Variants in TMEM91 observed in about 807,000 individuals in gnomAD.
The protein encoded by TMEM91 is dispanin subfamily C member 3.
TMEM91 carries 6 observed loss-of-function variants against 13.3 expected under a neutral mutation model. That is an observed-to-expected ratio of 0.45 (90% confidence interval 0.25 to 0.89). The LOEUF (loss-of-function observed/expected upper bound fraction) is 0.89. Among genes scored for constraint, TMEM91 ranks in the 40% least tolerant of loss-of-function variants. TMEM91 has a pLI of 0.19. For synonymous variants in TMEM91, 87 were observed against 101.7 expected, an observed-to-expected ratio of 0.86 and a Z score of 0.87; for missense variants, 193 against 228.7, an observed-to-expected ratio of 0.84 and a Z score of 1.01.
upstream of TMEM91, among the ~76,000 whole-genome samples, chr19:41,372,645 A>G (rs2038642833): frequency 1.3e-5 from 2 of 152,106 alleles, no homozygotes; most frequent in Admixed American, 6.6e-5. Context: ...TAAGTTATGC[A>G]TTTTGGCAGG....
In TMEM91 at chr19:41,383,794, CCGT is replaced by C. The variant is rs758663714; in HGVS notation, c.443_445del (p.Val148del). The stretch of plus-strand genomic sequence containing the variant: ...CGTGCCTTCCTGCTGGGGGTCCTCG[CCGT>C]CGGGCTGGGCGTGTGCACGTATGCG... On this transcript the variant is annotated inframe_deletion, in exon 4 of 4. Coordinates refer to ENST00000392002, the MANE Select transcript of TMEM91 (RefSeq NM_001098821.2). 41 of 1,611,180 alleles carry C rather than the reference CCGT, an allele frequency of 2.5e-5. No homozygotes were observed. The highest frequency in any genetic ancestry group is 3.4e-5 in the Non-Finnish European group (40 of 1,178,500).
intron 3 of TMEM91, 115 bp from the exon 4 acceptor site, chr19:41,383,600 G>A (rs2038945643): frequency 6.2e-7 from 1 of 1,613,822 alleles, no homozygotes; most frequent in Admixed American, 1.7e-5. Context: ...CTACGTATCT[G>A]CTTTTGGAAT....
chr19:41,365,707 G>GTTTT (rs3061204), intron 1 of TMEM91, among the ~76,000 whole-genome samples: 4 of 69,666 alleles, frequency 5.7e-5, no homozygotes, highest in African/African-American at 1.3e-4. Context: ...GACCGGCCGG[G>GTTTT]TTTTTTTTTT....
rs2038948956 is a variant in TMEM91, at chr19:41,383,729, G to C, written c.375G>C (p.Trp125Cys). ...TGCCTCTACAGACCAACAAGGCTTG[G>C]GCCAAGGGGGACATCCAGGGGGCAG... is the stretch of plus-strand genomic sequence containing the variant. ...FCLAQKTNKAWAKGDIQGAGA... is the reference protein window; with the variant it reads ...FCLAQKTNKACAKGDIQGAGA... The change falls in exon 4 of 4, where the codon TGG (tryptophan) becomes TGC (cysteine). Residue 125 changes from tryptophan (W) to cysteine (C), a missense_variant. Transcript: ENST00000392002. 6.2e-7 allele frequency: 1 copy of C among 1,609,166 alleles called. No individual in the cohort carries two copies. The highest frequency in any genetic ancestry group is 1.7e-5 in the Admixed American group (1 of 59,536).
chr19:41,378,573 C>A (rs1229961925), intron 2 of TMEM91, 54 bp downstream of exon 2: 3 of 1,585,686 alleles, frequency 1.9e-6, no homozygotes, highest in African/African-American at 1.3e-5. Flanking sequence ...GGGTGAGCCC[C>A]ACTAAGGCCA....
chr19:41,383,504 T>A (rs1394613740), intron 3 of TMEM91: 98 of 1,441,694 alleles, frequency 6.8e-5, no homozygotes, highest in Non-Finnish European at 7.9e-5. Flanking sequence ...ATTTATTTTT[T>A]AAAATTTATT....
chr19:41,383,594 G>GT, intron 3 of TMEM91, 121 bp from the exon 4 acceptor site: 1 of 1,613,642 alleles, frequency 6.2e-7, no homozygotes, highest in Non-Finnish European at 8.5e-7. Context: ...TAGGTGCTAC[G>GT]TATCTGCTTT....
At chr19:41,370,492 C>T (rs2038598170) in intron 1 of TMEM91, among the ~76,000 whole-genome samples, 2 of 151,916 alleles carry the variant, frequency 1.3e-5, no homozygotes, top group East Asian at 1.9e-4. Context: ...CTGCAACCTC[C>T]GCCTTCCGGG....
At chr19:41,373,945 T>G (rs1376636535), upstream of TMEM91, 1 of 152,258 alleles carries the variant, frequency 6.6e-6, no homozygotes, top group Admixed American at 6.6e-5. Flanking sequence ...CCCAAAGGGC[T>G]GGGATTACAG....
At chr19:41,380,819 C>T (rs2038861367) in intron 2 of TMEM91, among the ~76,000 whole-genome samples, 1 of 149,674 alleles carries the variant, frequency 6.7e-6, no homozygotes, top group Non-Finnish European at 1.5e-5. Flanking sequence ...GAGGCTGAGG[C>T]AGGAGAATCA....
intron 1 of TMEM91, among the ~76,000 whole-genome samples, chr19:41,369,830 T>C (rs1307555495): frequency 6.6e-6 from 1 of 151,950 alleles, no homozygotes; most frequent in Non-Finnish European, 1.5e-5. Context: ...TAAAAATAAA[T>C]AAATAAGCCT....
intron 2 of TMEM91, 97 bp downstream of exon 2, chr19:41,378,616 C>A: frequency 7.7e-7 from 1 of 1,295,622 alleles, no homozygotes. Flanking sequence ...TGCCGATCTG[C>A]CTTAGGCCTG....
At chr19:41,381,789 G>A (rs1418869130) in intron 2 of TMEM91, among the ~76,000 whole-genome samples, 1 of 151,994 alleles carries the variant, frequency 6.6e-6, no homozygotes, top group Non-Finnish European at 1.5e-5. Flanking sequence ...TGGGATGACA[G>A]GTGTGAGCCA....
At chr19:41,379,549 G>A (rs1456924407) in intron 2 of TMEM91, among the ~76,000 whole-genome samples, 2 of 148,954 alleles carry the variant, frequency 1.3e-5, no homozygotes, top group African/African-American at 5.0e-5. Context: ...AGGGAGAGGG[G>A]GGAGAGAGAG....
In TMEM91 at chr19:41,378,264, C is replaced by T. The variant is rs1378641018; in HGVS notation, c.-29-17C>T. On this transcript the variant is annotated splice_polypyrimidine_tract_variant and intron_variant, in intron 1 of 3. Transcript: ENST00000392002. ...TGAGACTTTTACAACTTGTCTTTTT[C>T]TTCCCCCTACCCCTAGGAAACCCCT... 1.3e-6 allele frequency: 2 copies of T among 1,572,702 alleles called. No homozygotes were observed. The highest frequency in any genetic ancestry group is 1.7e-4 in the Middle Eastern group (1 of 5,862).
intron 1 of TMEM91, among the ~76,000 whole-genome samples, chr19:41,371,102 A>G (rs774696974): frequency 6.6e-6 from 1 of 151,790 alleles, no homozygotes; most frequent in Non-Finnish European, 1.5e-5. Flanking sequence ...CCCAGGTTCA[A>G]GCAATTATTG....
chr19:41,378,220 G>A (rs2038773317), intron 1 of TMEM91, 61 bp from the exon 2 acceptor site: 2 of 1,301,690 alleles, frequency 1.5e-6, no homozygotes, highest in Non-Finnish European at 2.2e-6. Flanking sequence ...TAAAGCAAGG[G>A]GTCAGAGGTT....
upstream of TMEM91, among the ~76,000 whole-genome samples, chr19:41,375,859 C>T (rs999001064): frequency 2.6e-5 from 4 of 151,754 alleles, no homozygotes; most frequent in Admixed American, 2.6e-4. Flanking sequence ...CGGTGGCTCA[C>T]GCCTGTAATC....
upstream of TMEM91, among the ~76,000 whole-genome samples, chr19:41,371,583 C>T (rs796496719): frequency 4.0e-5 from 6 of 151,780 alleles, no homozygotes; most frequent in African/African-American, 1.4e-4. Flanking sequence ...CCAAGTCCAG[C>T]TAGTTTTTGT....
Sources: allele counts gnomAD v4.1 joint callset (sites outside exome capture counted in the v4.1 genomes callset), GRCh38; gene constraint gnomAD v4.1.1; transcripts MANE v1.5; gene names NCBI Gene and HGNC (gene_info 2026-07-23, HGNC 2026-07-21).